The following UCN3 variants were observed in gnomAD, a reference collection of about 807,000 sequenced individuals.
UCN3 encodes the protein urocortin 3, also known as urocortin-3.
Under a neutral mutation model 3.6 loss-of-function variants are expected in UCN3, and 3 were observed. The observed-to-expected ratio is 0.83, with a 90% CI of 0.38 to 2.15. The LOEUF (loss-of-function observed/expected upper bound fraction) is 2.15, where lower values mean the gene tolerates loss of function less well. Among genes scored for constraint, UCN3 ranks in the 30% most tolerant of loss-of-function variants. The pLI is 0.06. For synonymous variants in UCN3, 100 were observed against 93.2 expected, an observed-to-expected ratio of 1.07 and a Z score of -0.42; for missense variants, 206 against 208.3, an observed-to-expected ratio of 0.99 and a Z score of 0.07.
chr10:5,369,119 C>A (rs1256681006), intron 1 of UCN3, among the ~76,000 whole-genome samples: 1 of 152,106 alleles, frequency 6.6e-6, no homozygotes. Flanking sequence ...AGACTAAGGG[C>A]AAAAGGAGTC....
rs1184252897 is a variant in UCN3 at position 5,370,109 on chromosome 10, ATATGTGTGTGTATGTGTGTG to A, written c.-6-3591_-6-3572del. ...TATATGCGTGTGTATATGCGTGTGT[ATATGTGTGTGTATGTGTGTG>A]TATGTGTGTGTATGCGTGTGTATAT... On this transcript the variant is annotated intron_variant, in intron 1 of 1. Coordinates refer to ENST00000380433, the MANE Select transcript of UCN3 (RefSeq NM_053049.4). Among the ~76,000 whole-genome samples, 2 of 58,198 alleles carry A rather than the reference ATATGTGTGTGTATGTGTGTG, an allele frequency of 3.4e-5. 1 individual carries two copies. Among genetic ancestry groups the A allele is most frequent in the Non-Finnish European group, 6.0e-5 (2 of 33,502 alleles). 38.2% of individuals were successfully genotyped at this position (58,198 alleles called of 152,430 possible). A position where few individuals can be genotyped will look rare whatever the true frequency, so the allele number is the denominator to read the frequency against.
intron 1 of UCN3, among the ~76,000 whole-genome samples, chr10:5,370,822 TGCGCGCGTGTGTGTGC>T (rs1349641719): frequency 9.6e-6 from 1 of 104,078 alleles, no homozygotes; most frequent in African/African-American, 3.8e-5. Flanking sequence ...TGCGTGTGTG[TGCGCGCGTGTGTGTGC>T]GCGTGTGTGT....
Position 5,374,447 on chromosome 10 carries a change from A to C in UCN3, c.*241A>C. The C allele has an allele frequency of 4.0e-6, 2 of 503,948 alleles. No homozygotes were observed. The highest frequency in any genetic ancestry group is 2.3e-5 in the South Asian group (1 of 44,268). 31.2% of individuals were successfully genotyped at this position (503,948 alleles called of 1,614,324 possible). ...GTATTGTCCAACCTTCCCAGACACA[A>C]AGCAGCTAACGTTCCTCCCTGTACT... On this transcript the variant is annotated 3_prime_UTR_variant, in exon 2 of 2. Transcript: ENST00000380433.
At position 5,371,097 on chromosome 10, in the gene UCN3, G is replaced by A. The variant is rs577879562; in HGVS notation, c.-6-2618G>A. Among the ~76,000 whole-genome samples the A allele has an allele frequency of 2.8e-5, 4 of 142,868 alleles. No homozygotes were observed. In the East Asian group the frequency reaches 8.4e-4, roughly 30 times the overall value. The allele number at this position is 142,868 out of a possible 152,430, so 93.7% of individuals were successfully genotyped here. A position where few individuals can be genotyped will look rare whatever the true frequency, so the allele number is the denominator to read the frequency against. ...GTGTGTATGTGTGTGCATGTGTATG[G>A]TTGTGTGTATGCATGTACATGTGAG... On this transcript the variant is annotated intron_variant, in intron 1 of 1. Transcript: ENST00000380433.
At position 5,370,867 on chromosome 10, in the gene UCN3, G is replaced by A. The variant is rs868993756; in HGVS notation, c.-6-2848G>A. Among the ~76,000 whole-genome samples the A allele has an allele frequency of 1.0e-3, 92 of 89,926 alleles. 5 individuals are homozygous for A. The highest frequency in any genetic ancestry group is 7.8e-3 in the Middle Eastern group (1 of 128). 59.0% of individuals were successfully genotyped at this position (89,926 alleles called of 152,430 possible). ...TGTGTGTGCGCGTGTGTGTGCGTGTGTATGTGTGTGTATATGCGTGTGTAT... is the reference window on the plus strand; with the variant it reads ...TGTGTGTGCGCGTGTGTGTGCGTGTATATGTGTGTGTATATGCGTGTGTAT... On this transcript the variant is annotated intron_variant, in intron 1 of 1. Coordinates refer to ENST00000380433, the MANE Select transcript of UCN3 (RefSeq NM_053049.4).
rs1834107253 is a variant in UCN3, at chr10:5,365,492, G to GGCA, written c.-7+264_-7+266dup. Reference sequence around the variant, plus strand: ...CTCTTTCCAAAGGTGTTAGATCAGAGGCAGAAGGTGTTCACACAAATCTGT... The same window carrying GGCA: ...CTCTTTCCAAAGGTGTTAGATCAGAGGCAGCAGAAGGTGTTCACACAAATCTGT... On this transcript the variant is annotated intron_variant, in intron 1 of 1. Coordinates refer to ENST00000380433, the MANE Select transcript of UCN3 (RefSeq NM_053049.4). This position sits in a 1 kb window ranked among gnomAD's most constrained non-coding sequence, Gnocchi z 4.4. Among the ~76,000 whole-genome samples the GGCA allele has an allele frequency of 6.6e-6, 1 of 152,196 alleles. No homozygotes were observed. Among genetic ancestry groups the GGCA allele is most frequent in the South Asian group, 2.1e-4 (1 of 4,830 alleles).
chr10:5,370,225 G>GTGTATA, intron 1 of UCN3, among the ~76,000 whole-genome samples: 1 of 54,908 alleles, frequency 1.8e-5, no homozygotes, highest in Non-Finnish European at 3.1e-5. Flanking sequence ...GTGTGTATGT[G>GTGTATA]CGTGTGTGTA....
chr10:5,369,516 A>T (rs1183417674), intron 1 of UCN3, among the ~76,000 whole-genome samples: 1 of 152,208 alleles, frequency 6.6e-6, no homozygotes, highest in African/African-American at 2.4e-5. Flanking sequence ...CCAAACCCTC[A>T]GGCAAATAAG....
chr10:5,370,751 A>ATG (rs1372308779), intron 1 of UCN3, among the ~76,000 whole-genome samples: 1 of 72,888 alleles, frequency 1.4e-5, no homozygotes, highest in Non-Finnish European at 2.5e-5. Context: ...TGTGTATATG[A>ATG]TGTGTGTGTA....
intron 1 of UCN3, among the ~76,000 whole-genome samples, chr10:5,370,192 CGTGTGTATATGCGT>C (rs1831345401): frequency 1.4e-4 from 1 of 7,156 alleles, no homozygotes. Context: ...TGTGTATATG[CGTGTGTATATGCGT>C]GTGTATGTGT....
intron 1 of UCN3, among the ~76,000 whole-genome samples, chr10:5,370,609 GTATATGCGTGTA>G (rs1831378517): frequency 1.0e-5 from 1 of 96,000 alleles, no homozygotes; most frequent in Non-Finnish European, 2.2e-5. Context: ...GTATGCGTGT[GTATATGCGTGTA>G]TATGCGTGTG....
chr10:5,367,572 A>G lies in UCN3; in HGVS notation c.-7+2342A>G, dbSNP rs1834128704. ...ATCCTGAGTCACTGCTGAGAGCCAA[A>G]TGACCCAGAGGGATAGTGAAAGGCT... is the stretch of plus-strand genomic sequence containing the variant. On this transcript the variant is annotated intron_variant, in intron 1 of 1. Transcript: ENST00000380433. This position sits in a 1 kb window ranked among gnomAD's most constrained non-coding sequence, Gnocchi z 4.3. 6.6e-6 allele frequency among the ~76,000 whole-genome samples: 1 copy of G among 152,226 alleles called. No homozygotes were observed. Among genetic ancestry groups the G allele is most frequent in the Admixed American group, 6.5e-5 (1 of 15,280 alleles).
chr10:5,374,185 G>A lies in UCN3; in HGVS notation c.465G>A (p.Ala155=), dbSNP rs369440705. 4.5e-5 allele frequency: 72 copies of A among 1,597,838 alleles called. No individual in the cohort carries two copies. Among genetic ancestry groups the A allele is most frequent in the Non-Finnish European group, 5.5e-5 (64 of 1,171,168 alleles). ...AQAAANAHLM[A]QIGRKK is the part of the protein sequence containing the mutation. ...CGGCCGCCAATGCCCACCTGATGGC[G>A]CAAATTGGGAGGAAGAAGTAGAGGC... Residue 155 remains alanine, a synonymous_variant, in exon 2 of 2, where the codon GCG becomes GCA. Transcript: ENST00000380433.
chr10:5,368,132 T>G (rs1193480097), intron 1 of UCN3, among the ~76,000 whole-genome samples: 1 of 152,164 alleles, frequency 6.6e-6, no homozygotes, highest in Non-Finnish European at 1.5e-5. Flanking sequence ...GCCTTCTGGG[T>G]AGCTGGGATT....
rs1188028416 is a variant in UCN3 at position 5,370,543 on chromosome 10, GTA to G, written c.-6-3168_-6-3167del. Among the ~76,000 whole-genome samples, 18 of 90,326 alleles carry G rather than the reference GTA, an allele frequency of 2.0e-4. 1 individual carries two copies. The highest frequency in any genetic ancestry group is 1.4e-3 in the East Asian group (3 of 2,120). 59.3% of individuals were successfully genotyped at this position (90,326 alleles called of 152,430 possible). Reference sequence around the variant, plus strand: ...TGTGTATGTGTGTGTGTATATGCGTGTATATGTGTGTATATGTGTGTGTATAT... The same window carrying G: ...TGTGTATGTGTGTGTGTATATGCGTGTATGTGTGTATATGTGTGTGTATAT... On this transcript the variant is annotated intron_variant, in intron 1 of 1. Coordinates refer to ENST00000380433, the MANE Select transcript of UCN3 (RefSeq NM_053049.4).
chr10:5,370,565 GTATATGCGTGTA>G (rs1831375826), intron 1 of UCN3, among the ~76,000 whole-genome samples: 1 of 109,884 alleles, frequency 9.1e-6, no homozygotes, highest in African/African-American at 3.7e-5. Flanking sequence ...ATATGTGTGT[GTATATGCGTGTA>G]TATGTGTGTA....
rs1834110785 is a variant in UCN3 at position 5,365,700 on chromosome 10, A to G, written c.-7+470A>G. 6.6e-6 allele frequency among the ~76,000 whole-genome samples: 1 copy of G among 152,186 alleles called. No individual in the cohort carries two copies. The highest frequency in any genetic ancestry group is 1.5e-5 in the Non-Finnish European group (1 of 68,028). ...TGTGCCACAAACCTTCACCTGTGCC[A>G]TCTCCCGTCACTCTCGGGCACACCT... On this transcript the variant is annotated intron_variant, in intron 1 of 1. Coordinates refer to ENST00000380433, the MANE Select transcript of UCN3 (RefSeq NM_053049.4). The surrounding 1 kb of genome is among the most constrained non-coding windows in gnomAD (Gnocchi z 4.4).
intron 1 of UCN3, among the ~76,000 whole-genome samples, chr10:5,368,966 G>A (rs1056184318): frequency 6.6e-6 from 1 of 152,176 alleles, no homozygotes; most frequent in Non-Finnish European, 1.5e-5. Flanking sequence ...TCAGCATCAC[G>A]TGGGACTGTG....
Position 5,370,585 on chromosome 10 carries a change from GTA to G in UCN3, c.-6-3126_-6-3125del, listed in dbSNP as rs781803330. 5.9e-4 allele frequency among the ~76,000 whole-genome samples: 70 copies of G among 119,548 alleles called. 12 individuals are homozygous for G. Among genetic ancestry groups the G allele is most frequent in the South Asian group, 2.7e-3 (8 of 3,004 alleles). The allele number at this position is 119,548 out of a possible 152,430, so 78.4% of individuals were successfully genotyped here. A position where few individuals can be genotyped will look rare whatever the true frequency, so the allele number is the denominator to read the frequency against. ...TGTGTGTATATGCGTGTATATGTGT[GTA>G]TATGTGTGTGTGTATGCGTGTGTAT... On this transcript the variant is annotated intron_variant, in intron 1 of 1. Coordinates refer to ENST00000380433, the MANE Select transcript of UCN3 (RefSeq NM_053049.4).
Sources: allele counts gnomAD v4.1 joint callset (sites outside exome capture counted in the v4.1 genomes callset), GRCh38; gene constraint gnomAD v4.1.1; non-coding constraint Gnocchi (gnomAD v3.1); transcripts MANE v1.5; gene names NCBI Gene and HGNC (gene_info 2026-07-23, HGNC 2026-07-21).